The following ADAMTS12 variants were observed in gnomAD, a reference collection of about 807,000 sequenced individuals.
ADAMTS12 encodes A disintegrin and metalloproteinase with thrombospondin motifs 12.
A neutral mutation model predicts 167.8 loss-of-function variants in ADAMTS12; 118 were observed. The observed-to-expected ratio is 0.70, with a 90% CI of 0.61 to 0.82. The LOEUF is 0.82. Among genes scored for constraint, ADAMTS12 ranks in the 40% least tolerant of loss-of-function variants. ADAMTS12 has a pLI of 0.00. For missense variants in ADAMTS12, 1,916 were observed against 1,998.8 expected, an observed-to-expected ratio of 0.96 and a Z score of 0.79; for synonymous variants, 704 against 716.9, an observed-to-expected ratio of 0.98 and a Z score of 0.29.
intron 3 of ADAMTS12, among the ~76,000 whole-genome samples, chr5:33,750,409 A>G (rs1360562349): frequency 6.6e-6 from 1 of 152,332 alleles, no homozygotes; most frequent in Non-Finnish European, 1.5e-5. Context: ...TGAAGTCTGT[A>G]GAGAAGTTGC....
Position 33,532,496 on chromosome 5 carries a change from T to C in ADAMTS12, c.4606+2337A>G, listed in dbSNP as rs570409734. 1.2e-4 allele frequency among the ~76,000 whole-genome samples: 19 copies of C among 152,070 alleles called. No homozygotes were observed. In the East Asian group the frequency reaches 3.7e-3, roughly 29 times the overall value. On this transcript the variant is annotated intron_variant, in intron 23 of 23. Coordinates refer to ENST00000504830, the MANE Select transcript of ADAMTS12 (RefSeq NM_030955.4). The stretch of plus-strand genomic sequence containing the variant: ...TATTTTTTTTTTTTTTTTGGCCTTT[T>C]CTACCCTTCCTCAAATTAAAAACAA...
At chr5:33,592,729 C>CCA (rs1230988367) in intron 17 of ADAMTS12, among the ~76,000 whole-genome samples, 1 of 151,894 alleles carries the variant, frequency 6.6e-6, no homozygotes, top group Non-Finnish European at 1.5e-5. Flanking sequence ...GGGAAGAACA[C>CCA]AGAATGTTGA....
In ADAMTS12 at chr5:33,701,170, T is replaced by C. The variant is rs552208689; in HGVS notation, c.635-17115A>G. Among the ~76,000 whole-genome samples the C allele has an allele frequency of 4.6e-5, 7 of 152,296 alleles. No homozygotes were observed. The South Asian group carries it at 1.2e-3, about 27-fold the overall frequency. The stretch of plus-strand genomic sequence containing the variant: ...ATAAATAAATGAAAACAAGATAAAG[T>C]TAATCAAATACAATTAGCCTATGAA... On this transcript the variant is annotated intron_variant, in intron 3 of 23. Coordinates refer to ENST00000504830, the MANE Select transcript of ADAMTS12 (RefSeq NM_030955.4).
intron 22 of ADAMTS12, among the ~76,000 whole-genome samples, chr5:33,542,515 A>G (rs919788968): frequency 2.6e-5 from 4 of 152,232 alleles, no homozygotes; most frequent in African/African-American, 7.2e-5. Flanking sequence ...AAGCAAACCT[A>G]TTAGACATCT....
chr5:33,880,877 G>A, intron 2 of ADAMTS12: 1 of 485,372 alleles, frequency 2.1e-6, no homozygotes, highest in Non-Finnish European at 3.6e-6. Context: ...AACTGATGTT[G>A]CTGGTTGGAG....
chr5:33,597,705 C>A (rs1691212480), intron 16 of ADAMTS12, among the ~76,000 whole-genome samples: 1 of 151,608 alleles, frequency 6.6e-6, no homozygotes, highest in South Asian at 2.1e-4. Flanking sequence ...TGAGAAAATT[C>A]TGTTTTCAAG....
intron 2 of ADAMTS12, among the ~76,000 whole-genome samples, chr5:33,863,075 C>G (rs993546801): frequency 6.6e-6 from 1 of 152,172 alleles, no homozygotes; most frequent in African/African-American, 2.4e-5. Context: ...GAGAAACCCA[C>G]AGCCAATATC....
At position 33,839,475 on chromosome 5, in the gene ADAMTS12, C is replaced by A. The variant is rs567537027; in HGVS notation, c.489+41644G>T. ...CACATCTGTGCATTACTAAGTCACA[C>A]TGAGGCACATGCTTTTCCTTCTTTA... On this transcript the variant is annotated intron_variant, in intron 2 of 23. Coordinates refer to ENST00000504830, the MANE Select transcript of ADAMTS12 (RefSeq NM_030955.4). Among the ~76,000 whole-genome samples, 482 of 152,312 alleles carry A rather than the reference C, an allele frequency of 3.2e-3. 1 individual carries two copies. Among genetic ancestry groups the A allele is most frequent in the African/African-American group, 0.011 (454 of 41,560 alleles).
intron 2 of ADAMTS12, among the ~76,000 whole-genome samples, chr5:33,752,350 T>C (rs1157273170): frequency 1.3e-5 from 2 of 152,166 alleles, no homozygotes; most frequent in African/African-American, 4.8e-5. Flanking sequence ...GCTAAGTCTA[T>C]GAAACAAAGG....
chr5:33,680,476 T>C lies in ADAMTS12; in HGVS notation c.915+2542A>G, dbSNP rs569773604. Among the ~76,000 whole-genome samples the C allele has an allele frequency of 1.5e-3, 230 of 150,050 alleles. 2 individuals carry two copies. The highest frequency in any genetic ancestry group is 5.5e-3 in the African/African-American group (222 of 40,642). ...ATATGAAAGCAGTTCAAACCCAGGA[T>C]TTTTCCTTCTTATTCCCAGAAGTAG... On this transcript the variant is annotated intron_variant, in intron 5 of 23. Coordinates refer to ENST00000504830, the MANE Select transcript of ADAMTS12 (RefSeq NM_030955.4).
intron 3 of ADAMTS12, among the ~76,000 whole-genome samples, chr5:33,690,955 G>A (rs550967776): frequency 2.0e-5 from 3 of 152,144 alleles, no homozygotes; most frequent in African/African-American, 4.8e-5. Flanking sequence ...GTAATCAACC[G>A]AGTGGATAAT....
intron 1 of ADAMTS12, among the ~76,000 whole-genome samples, chr5:33,886,591 C>T (rs573597184): frequency 2.0e-5 from 3 of 152,304 alleles, no homozygotes; most frequent in Middle Eastern, 3.4e-3. Context: ...CTCCCAGGGA[C>T]GGTGATCTGA....
chr5:33,578,656 G>A (rs547230726), intron 18 of ADAMTS12, among the ~76,000 whole-genome samples: 6 of 152,268 alleles, frequency 3.9e-5, no homozygotes, highest in African/African-American at 1.4e-4. Context: ...TAAGTTCCTT[G>A]CCTTCTCAAG....
intron 2 of ADAMTS12, among the ~76,000 whole-genome samples, chr5:33,807,577 G>A (rs1276125683): frequency 6.6e-6 from 1 of 152,166 alleles, no homozygotes; most frequent in African/African-American, 2.4e-5. Flanking sequence ...AAATCTGGTG[G>A]TGTTGACTTA....
At chr5:33,566,033 A>G (rs1476530045) in intron 19 of ADAMTS12, among the ~76,000 whole-genome samples, 2 of 152,202 alleles carry the variant, frequency 1.3e-5, no homozygotes, top group African/African-American at 4.8e-5. Context: ...AAAAAAATGA[A>G]TATCTGGGTC....
intron 14 of ADAMTS12, among the ~76,000 whole-genome samples, chr5:33,622,987 A>G (rs1390483435): frequency 6.6e-6 from 1 of 152,216 alleles, no homozygotes; most frequent in Non-Finnish European, 1.5e-5. Flanking sequence ...TAGTAATCCA[A>G]TAGTCAAAGA....
chr5:33,712,986 A>G (rs891939166), intron 3 of ADAMTS12, among the ~76,000 whole-genome samples: 7 of 152,136 alleles, frequency 4.6e-5, no homozygotes, highest in African/African-American at 7.2e-5. Context: ...AAATAAATTT[A>G]GGACTTGTTA....
intron 2 of ADAMTS12, among the ~76,000 whole-genome samples, chr5:33,862,522 A>G (rs1243280014): frequency 1.3e-5 from 2 of 152,236 alleles, no homozygotes; most frequent in African/African-American, 4.8e-5. Context: ...ATAGACCAGT[A>G]ACAAGTTCTG....
intron 20 of ADAMTS12, among the ~76,000 whole-genome samples, chr5:33,553,504 T>C (rs1204067838): frequency 1.3e-5 from 2 of 152,164 alleles, no homozygotes; most frequent in African/African-American, 4.8e-5. Context: ...GAAAATGTGG[T>C]AATATACACT....
Sources: gnomAD v4.1 joint callset for allele counts (sites outside exome capture counted in the v4.1 genomes callset) on GRCh38, gnomAD v4.1.1 for gene constraint, MANE v1.5 for transcripts, NCBI Gene and HGNC (gene_info 2026-07-23, HGNC 2026-07-21) for gene names.